Variants in CDKAL1 observed in about 807,000 individuals in gnomAD.
CDKAL1 encodes the protein threonylcarbamoyladenosine tRNA methylthiotransferase.
A neutral mutation model predicts 68.2 loss-of-function variants in CDKAL1; 32 were observed. The observed-to-expected ratio is 0.47, with a 90% CI of 0.35 to 0.63. The LOEUF is 0.63. Among genes scored for constraint, CDKAL1 ranks in the 30% least tolerant of loss-of-function variants. The probability of loss-of-function intolerance (pLI) is 0.00; values close to 1 mark genes in which losing one functional copy is unlikely to be tolerated. For missense variants in CDKAL1, 606 were observed against 696.7 expected (o/e 0.87, Z 1.47); for synonymous variants, 234 against 244.3 (o/e 0.96, Z 0.39).
chr6:20,875,941 C>CTTTATATT (rs1760491059), intron 9 of CDKAL1, among the ~76,000 whole-genome samples: 1 of 152,132 alleles, frequency 6.6e-6, no homozygotes, highest in Non-Finnish European at 1.5e-5. Context: ...GAACATAGGA[C>CTTTATATT]TAATTGGGCT....
chr6:20,948,198 G>A (rs1029452930), intron 9 of CDKAL1, among the ~76,000 whole-genome samples: 1 of 151,660 alleles, frequency 6.6e-6, no homozygotes, highest in Non-Finnish European at 1.5e-5. Context: ...TTTAGTTTTT[G>A]TAGAGATAGG....
chr6:20,950,572 A>AT (rs1183208130), intron 9 of CDKAL1, among the ~76,000 whole-genome samples: 4 of 152,212 alleles, frequency 2.6e-5, no homozygotes, highest in African/African-American at 9.7e-5. Context: ...TGTTTAATGT[A>AT]TTTTCCTTAG....
In CDKAL1 at chr6:20,870,993, A is replaced by G. The variant is rs116035385; in HGVS notation, c.742+24815A>G. On this transcript the variant is annotated intron_variant, in intron 9 of 15. Coordinates refer to ENST00000274695, the MANE Select transcript of CDKAL1 (RefSeq NM_017774.3). ...ATTACCCAGGAAAAATCCAAGAGTA[A>G]GTTGTTATATTTACTAATACTGCGC... 3.0e-3 allele frequency among the ~76,000 whole-genome samples: 463 copies of G among 152,282 alleles called. 7 individuals carry two copies. The highest frequency in any genetic ancestry group is 0.01 in the African/African-American group (429 of 41,554).
intron 5 of CDKAL1, among the ~76,000 whole-genome samples, chr6:20,729,711 A>G (rs1581461831): frequency 6.6e-6 from 1 of 152,236 alleles, no homozygotes; most frequent in South Asian, 2.1e-4. Flanking sequence ...ATGGTTATAT[A>G]GTTAGTAAAT....
At chr6:20,586,087 C>T (rs1765342698) in intron 4 of CDKAL1, among the ~76,000 whole-genome samples, 1 of 152,172 alleles carries the variant, frequency 6.6e-6, no homozygotes, top group African/African-American at 2.4e-5. Context: ...CTGAGTCTAT[C>T]AGCAAATCCT....
intron 4 of CDKAL1, among the ~76,000 whole-genome samples, chr6:20,633,289 A>G (rs1463136138): frequency 1.3e-5 from 2 of 152,174 alleles, no homozygotes; most frequent in African/African-American, 4.8e-5. Context: ...GAATCAGACA[A>G]CCTATGTTCT....
chr6:20,712,907 T>C (rs1413423658), intron 5 of CDKAL1, among the ~76,000 whole-genome samples: 1 of 152,218 alleles, frequency 6.6e-6, no homozygotes, highest in Non-Finnish European at 1.5e-5. Context: ...CCCAAAGTGC[T>C]GGGATTACAG....
At chr6:20,795,911 A>C (rs1776090135) in intron 8 of CDKAL1, among the ~76,000 whole-genome samples, 2 of 152,204 alleles carry the variant, frequency 1.3e-5, no homozygotes, top group African/African-American at 4.8e-5. Flanking sequence ...TAGTAGATGC[A>C]ACATGTTTAA....
At chr6:20,740,175 A>G (rs368013994) in intron 6 of CDKAL1, among the ~76,000 whole-genome samples, 3 of 152,290 alleles carry the variant, frequency 2.0e-5, no homozygotes, top group East Asian at 3.9e-4. Flanking sequence ...TGTTAGCCTC[A>G]TGCGAATAGT....
chr6:20,742,761 T>C (rs1005313724), intron 6 of CDKAL1, among the ~76,000 whole-genome samples: 3 of 152,078 alleles, frequency 2.0e-5, no homozygotes, highest in African/African-American at 7.2e-5. Context: ...TTCAGAGGTG[T>C]AATTTAATTA....
chr6:21,140,920 C>G (rs977568430), intron 13 of CDKAL1, among the ~76,000 whole-genome samples: 5 of 152,086 alleles, frequency 3.3e-5, no homozygotes, highest in Non-Finnish European at 7.4e-5. Flanking sequence ...CATGGCGGCG[C>G]CAGGAGAAAA....
chr6:21,097,033 A>G (rs1773350679), intron 12 of CDKAL1, among the ~76,000 whole-genome samples: 1 of 152,260 alleles, frequency 6.6e-6, no homozygotes, highest in South Asian at 2.1e-4. Flanking sequence ...ATTATTGGAA[A>G]GTAAAATTCA....
At chr6:20,655,769 G>A (rs1768999676) in intron 5 of CDKAL1, among the ~76,000 whole-genome samples, 1 of 152,156 alleles carries the variant, frequency 6.6e-6, no homozygotes, top group African/African-American at 2.4e-5. Flanking sequence ...GGGGACCGCT[G>A]CTTTACACAT....
At chr6:20,776,910 A>G (rs543619739) in intron 7 of CDKAL1, among the ~76,000 whole-genome samples, 1 of 152,222 alleles carries the variant, frequency 6.6e-6, no homozygotes, top group Non-Finnish European at 1.5e-5. Flanking sequence ...GAAAGCCAGC[A>G]GCTTCTTTGC....
Position 20,649,295 on chromosome 6 carries a change from A to G in CDKAL1, c.289A>G (p.Asn97Asp), listed in dbSNP as rs1768634101. Reference sequence around the variant, plus strand: ...TTTTGTGTTCATTTTTTTAATAGAAAATGCATCCGATGCAGATTTATGGCT... The same window carrying G: ...TTTTGTGTTCATTTTTTTAATAGAAGATGCATCCGATGCAGATTTATGGCT... ...LAAYGYKITE[N>D]ASDADLWLLN... Residue 97 changes from asparagine (N) to aspartate (D), a missense_variant and splice_region_variant, in exon 5 of 16, where the codon AAT becomes GAT. Coordinates refer to ENST00000274695, the MANE Select transcript of CDKAL1 (RefSeq NM_017774.3). 3 of 1,604,010 alleles carry G rather than the reference A, an allele frequency of 1.9e-6. No individual in the cohort carries two copies. The highest frequency in any genetic ancestry group is 2.6e-6 in the Non-Finnish European group (3 of 1,175,286).
intron 13 of CDKAL1, among the ~76,000 whole-genome samples, chr6:21,116,856 A>C (rs1355576793): frequency 6.6e-6 from 1 of 152,202 alleles, no homozygotes; most frequent in Non-Finnish European, 1.5e-5. Flanking sequence ...CTGTGTTTCA[A>C]CTGTCATTGG....
rs151269131 is a variant in CDKAL1, at chr6:20,904,839, GCA to G, written c.743-50577_743-50576del. ...AGTCACTACATGTGGCCAGGAAGAC[GCA>G]CAGACTCAGAAAAGATGTGAGAGGA... On this transcript the variant is annotated intron_variant, in intron 9 of 15. Coordinates refer to ENST00000274695, the MANE Select transcript of CDKAL1 (RefSeq NM_017774.3). Among the ~76,000 whole-genome samples the G allele has an allele frequency of 4.2e-3, 636 of 151,930 alleles. 5 individuals are homozygous for G. Among genetic ancestry groups the G allele is most frequent in the African/African-American group, 0.015 (606 of 41,448 alleles).
chr6:20,960,736 T>C (rs548769174), intron 10 of CDKAL1, among the ~76,000 whole-genome samples: 2 of 152,376 alleles, frequency 1.3e-5, no homozygotes, highest in East Asian at 3.9e-4. Context: ...CATCCAGTTT[T>C]GGAAGAGTTT....
At chr6:21,061,399 A>G (rs1771132685) in intron 11 of CDKAL1, among the ~76,000 whole-genome samples, 1 of 152,158 alleles carries the variant, frequency 6.6e-6, no homozygotes, top group Non-Finnish European at 1.5e-5. Flanking sequence ...GAAAACATAC[A>G]TAAAGTTCCT....
Sources: allele counts gnomAD v4.1 joint callset (sites outside exome capture counted in the v4.1 genomes callset), GRCh38; gene constraint gnomAD v4.1.1; transcripts MANE v1.5; gene names NCBI Gene and HGNC (gene_info 2026-07-23, HGNC 2026-07-21).